The following CNTNAP2 variants were observed in gnomAD, a reference collection of about 807,000 sequenced individuals.
CNTNAP2 encodes contactin-associated protein-like 2.
Under a neutral mutation model 155.2 loss-of-function variants are expected in CNTNAP2, and 98 were observed. That is an observed-to-expected ratio of 0.63 (90% CI 0.54 to 0.75). The LOEUF (loss-of-function observed/expected upper bound fraction) is 0.75. Ranked by LOEUF, CNTNAP2 falls within the 30% of genes least tolerant of loss-of-function variation. The pLI is 0.00. For synonymous variants in CNTNAP2, 651 were observed against 631.2 expected, an observed-to-expected ratio of 1.03 and a Z score of -0.47; for missense variants, 1,727 against 1,688.1, an observed-to-expected ratio of 1.02 and a Z score of -0.40.
chr7:146,394,213 A>G (rs1225971872), intron 1 of CNTNAP2, among the ~76,000 whole-genome samples: 2 of 152,158 alleles, frequency 1.3e-5, no homozygotes, highest in African/African-American at 2.4e-5. Flanking sequence ...TACCTGACTA[A>G]TCCAAAAAAG....
At chr7:146,307,561 A>G (rs535682042) in intron 1 of CNTNAP2, among the ~76,000 whole-genome samples, 1 of 152,196 alleles carries the variant, frequency 6.6e-6, no homozygotes, top group South Asian at 2.1e-4. Flanking sequence ...GAGGCATCAC[A>G]CTACCTGACT....
At chr7:146,862,503 C>T (rs1795123145) in intron 3 of CNTNAP2, among the ~76,000 whole-genome samples, 1 of 151,486 alleles carries the variant, frequency 6.6e-6, no homozygotes, top group African/African-American at 2.4e-5. Context: ...AAAAAACAAA[C>T]AAAAAAAACG....
intron 3 of CNTNAP2, among the ~76,000 whole-genome samples, chr7:147,033,158 ATG>A (rs1272806477): frequency 1.4e-3 from 102 of 74,542 alleles, no homozygotes; most frequent in African/African-American, 4.8e-3. Flanking sequence ...ATATATATAT[ATG>A]TATATATATA....
chr7:146,726,276 A>AT (rs1339724547), intron 1 of CNTNAP2, among the ~76,000 whole-genome samples: 2 of 152,188 alleles, frequency 1.3e-5, no homozygotes, highest in Non-Finnish European at 2.9e-5. Flanking sequence ...CAATACATGA[A>AT]TATTATATTT....
intron 18 of CNTNAP2, among the ~76,000 whole-genome samples, chr7:148,184,952 A>C (rs1196432665): frequency 2.0e-5 from 3 of 152,226 alleles, no homozygotes; most frequent in Non-Finnish European, 4.4e-5. Context: ...AAGTTTATTA[A>C]TCATTGAGTC....
rs564120873 is a variant in CNTNAP2 at position 148,234,367 on chromosome 7, A to G, written c.3381+4588A>G. ...ATTAAGTGATGTTACTGTTATTACC[A>G]TAAGATAGTTCAAAATATGCAAAAA... On this transcript the variant is annotated intron_variant, in intron 20 of 23. Transcript: ENST00000361727. 7.2e-5 allele frequency among the ~76,000 whole-genome samples: 11 copies of G among 152,390 alleles called. No homozygotes were observed. In the East Asian group the frequency reaches 2.1e-3, roughly 29 times the overall value.
At chr7:147,427,060 G>C (rs1461149068) in intron 10 of CNTNAP2, among the ~76,000 whole-genome samples, 1 of 152,120 alleles carries the variant, frequency 6.6e-6, no homozygotes, top group Non-Finnish European at 1.5e-5. Flanking sequence ...AGCAGGATTG[G>C]TGTCTGATGG....
At chr7:146,316,025 C>T (rs764277323) in intron 1 of CNTNAP2, among the ~76,000 whole-genome samples, 1 of 152,158 alleles carries the variant, frequency 6.6e-6, no homozygotes, top group Non-Finnish European at 1.5e-5. Flanking sequence ...AAACTATACA[C>T]AGAAGATACA....
intron 9 of CNTNAP2, among the ~76,000 whole-genome samples, chr7:147,319,565 A>G (rs1021869409): frequency 5.3e-5 from 8 of 152,198 alleles, no homozygotes; most frequent in Admixed American, 3.3e-4. Flanking sequence ...TTTAGTAGAG[A>G]TGAGGTTTCA....
chr7:147,059,430 C>A (rs987831909), intron 4 of CNTNAP2, among the ~76,000 whole-genome samples: 1 of 67,940 alleles, frequency 1.5e-5, no homozygotes, highest in Admixed American at 2.4e-4. Flanking sequence ...TATGATAATT[C>A]TGATTTTTTT....
At chr7:146,475,013 G>GCA (rs60787049) in intron 1 of CNTNAP2, among the ~76,000 whole-genome samples, 36,991 of 144,228 alleles carry the variant, frequency 0.26, 5,371 homozygotes, top group Admixed American at 0.42. Flanking sequence ...GCGCGCGCGC[G>GCA]CACACACACA....
intron 1 of CNTNAP2, among the ~76,000 whole-genome samples, chr7:146,741,486 A>C (rs1801715430): frequency 1.3e-5 from 2 of 152,228 alleles, no homozygotes; most frequent in South Asian, 4.1e-4. Context: ...TTGTGAATGA[A>C]ATTTATACAT....
intron 21 of CNTNAP2, among the ~76,000 whole-genome samples, chr7:148,346,496 G>C (rs1177921): frequency 0.33 from 49,835 of 152,078 alleles, 8,784 homozygotes; most frequent in Non-Finnish European, 0.4. Context: ...CTTAGGCCGG[G>C]TGCGGTGGCT....
At position 146,827,564 on chromosome 7, in the gene CNTNAP2, C is replaced by T. The variant is rs572305462; in HGVS notation, c.209-12147C>T. ...GAATGATGACATTTTCTGGACAATT[C>T]CAGTGAATGGGCACTTAGCTAGGGA... On this transcript the variant is annotated intron_variant, in intron 2 of 23. Transcript: ENST00000361727. Among the ~76,000 whole-genome samples, 3 of 151,306 alleles carry T rather than the reference C, an allele frequency of 2.0e-5. No individual in the cohort carries two copies. In the East Asian group the frequency reaches 5.8e-4, roughly 29 times the overall value.
intron 13 of CNTNAP2, among the ~76,000 whole-genome samples, chr7:147,889,586 T>C (rs776532462): frequency 6.6e-6 from 1 of 152,158 alleles, no homozygotes; most frequent in Non-Finnish European, 1.5e-5. Flanking sequence ...CTTGGGAAGA[T>C]TGAAAGATAT....
At chr7:147,104,509 T>G (rs946108833) in intron 4 of CNTNAP2, among the ~76,000 whole-genome samples, 1 of 151,814 alleles carries the variant, frequency 6.6e-6, no homozygotes, top group Non-Finnish European at 1.5e-5. Context: ...AATAATGCCT[T>G]TTAAATTTTT....
chr7:147,132,520 C>A lies in CNTNAP2; in HGVS notation c.1348+11C>A, dbSNP rs1447717786. 2 of 1,613,330 alleles carry A rather than the reference C, an allele frequency of 1.2e-6. No individual in the cohort carries two copies. Among genetic ancestry groups the A allele is most frequent in the Non-Finnish European group, 8.5e-7 (1 of 1,179,534 alleles). Reference sequence around the variant, plus strand: ...TCGATATTTCCTCAGGTCAGTGAAACCTATTTGACATTTGTTCCTGAAACT... The same window carrying A: ...TCGATATTTCCTCAGGTCAGTGAAAACTATTTGACATTTGTTCCTGAAACT... On this transcript the variant is annotated intron_variant, in intron 8 of 23. Transcript: ENST00000361727.
chr7:148,413,781 A>G (rs1799909986), intron 23 of CNTNAP2, among the ~76,000 whole-genome samples: 1 of 152,038 alleles, frequency 6.6e-6, no homozygotes. Context: ...TAGGAACATT[A>G]TGTCTTCCTG....
At chr7:146,146,178 A>C (rs1040325145) in intron 1 of CNTNAP2, among the ~76,000 whole-genome samples, 4 of 152,174 alleles carry the variant, frequency 2.6e-5, no homozygotes, top group Non-Finnish European at 5.9e-5. Flanking sequence ...AATATCGTGG[A>C]TTTTAAATAA....
Sources: gnomAD v4.1 joint callset for allele counts (sites outside exome capture counted in the v4.1 genomes callset) on GRCh38, gnomAD v4.1.1 for gene constraint, MANE v1.5 for transcripts, NCBI Gene and HGNC (gene_info 2026-07-23, HGNC 2026-07-21) for gene names.